NEO1: variants seen among roughly 807,000 people sequenced by gnomAD.
The protein encoded by NEO1 is neogenin 1, also known as neogenin.
In NEO1, 63 loss-of-function variants were observed where a neutral mutation model predicts 159.7. The observed-to-expected ratio is 0.39, with a 90% CI of 0.32 to 0.49. The LOEUF (loss-of-function observed/expected upper bound fraction) is 0.49, where lower values mean the gene tolerates loss of function less well. NEO1 is among the 20% of genes least tolerant of loss of function. NEO1 has a pLI of 0.85. For missense variants in NEO1, 1,615 were observed against 1,831.0 expected (o/e 0.88, Z 2.15); for synonymous variants, 633 against 662.0 (o/e 0.96, Z 0.67).
At chr15:73,073,513 A>G (rs959148870) in intron 1 of NEO1, among the ~76,000 whole-genome samples, 8 of 152,104 alleles carry the variant, frequency 5.3e-5, no homozygotes, top group Admixed American at 2.0e-4. Context: ...TGAGAGGGAT[A>G]GTTTAAGTAT....
chr15:73,243,607 C>T (rs890344911), intron 8 of NEO1, among the ~76,000 whole-genome samples: 3 of 151,968 alleles, frequency 2.0e-5, no homozygotes, highest in Admixed American at 2.0e-4. Flanking sequence ...TCACACAGAC[C>T]CCAAGACAGA....
chr15:73,126,522 C>T lies in NEO1; in HGVS notation c.830C>T (p.Thr277Ile), dbSNP rs760012395. 7 of 1,613,778 alleles carry T rather than the reference C, an allele frequency of 4.3e-6. No individual in the cohort carries two copies. The East Asian group carries it at 6.7e-5, about 15-fold the overall frequency. The stretch of plus-strand genomic sequence containing the variant: ...CCATGTGTTGCTTCAGGACTTCCTA[C>T]TCCAACCATTAAATGGATGAAAAAT... The part of the protein sequence containing the change: ...VLPCVASGLP[T>I]PTIKWMKNEE... Residue 277 changes from threonine (T) to isoleucine (I), a missense_variant, in exon 4 of 29, where the codon ACT (threonine) becomes ATT (isoleucine). Thr to Ile is a moderately conservative substitution (Grantham distance 89). Transcript: ENST00000261908.
chr15:73,203,201 G>T (rs1186147263), intron 7 of NEO1, among the ~76,000 whole-genome samples: 1 of 152,170 alleles, frequency 6.6e-6, no homozygotes, highest in South Asian at 2.1e-4. Flanking sequence ...CACAGTGGCT[G>T]TACCATTTTA....
intron 1 of NEO1, among the ~76,000 whole-genome samples, chr15:73,058,228 T>C (rs2067810516): frequency 3.3e-5 from 5 of 152,216 alleles, no homozygotes; most frequent in Admixed American, 3.3e-4. Context: ...ACTCCCTGAC[T>C]TCCAGGCATT....
Position 73,270,432 on chromosome 15 carries a change from C to A in NEO1, c.2835C>A (p.Ala945=), listed in dbSNP as rs1359245205. The A allele has an allele frequency of 1.9e-6, 3 of 1,613,378 alleles. No homozygotes were observed. The Admixed American group carries it at 5.0e-5, about 27-fold the overall frequency. ...GRRSSTWSMT[A]HGTTFELVPT... ...GATCAAGTACATGGAGTATGACAGCCCATGGGACCACCTTTGAATTAGGTA... is the reference window on the plus strand; with the variant it reads ...GATCAAGTACATGGAGTATGACAGCACATGGGACCACCTTTGAATTAGGTA... The change falls in exon 18 of 29, where the codon GCC becomes GCA. Residue 945 remains alanine, a synonymous_variant. Transcript: ENST00000261908.
At chr15:73,250,842 C>T (rs1055406247) in intron 11 of NEO1, among the ~76,000 whole-genome samples, 2 of 152,064 alleles carry the variant, frequency 1.3e-5, no homozygotes, top group African/African-American at 4.8e-5. Context: ...GGTATAATTA[C>T]TTAATATTAG....
At chr15:73,206,839 G>GTA (rs1361028514) in intron 7 of NEO1, among the ~76,000 whole-genome samples, 6 of 7,154 alleles carry the variant, frequency 8.4e-4, no homozygotes, top group Non-Finnish European at 4.4e-3. Context: ...GTGTGTATGT[G>GTA]TGTGTGTGCG....
intron 7 of NEO1, among the ~76,000 whole-genome samples, chr15:73,185,779 A>G (rs188302923): frequency 4.4e-4 from 67 of 152,318 alleles, no homozygotes; most frequent in African/African-American, 1.1e-3. Context: ...CATCTATACA[A>G]TGGAACGTCA....
At chr15:73,087,643 C>T (rs2069439679) in intron 1 of NEO1, among the ~76,000 whole-genome samples, 1 of 151,988 alleles carries the variant, frequency 6.6e-6, no homozygotes, top group Non-Finnish European at 1.5e-5. Flanking sequence ...GATAAATTTA[C>T]TTTCATAATC....
At chr15:73,170,845 C>T (rs1015383588) in intron 5 of NEO1, among the ~76,000 whole-genome samples, 2 of 152,140 alleles carry the variant, frequency 1.3e-5, no homozygotes, top group East Asian at 1.9e-4. Context: ...GGATGTTTCT[C>T]TTTACAGAAT....
chr15:73,066,076 G>A (rs1191579606), intron 1 of NEO1, among the ~76,000 whole-genome samples: 2 of 144,912 alleles, frequency 1.4e-5, no homozygotes, highest in South Asian at 2.1e-4. Flanking sequence ...CTGTCACCCA[G>A]GCTGGAGTGC....
intron 8 of NEO1, 77 bp downstream of exon 8, chr15:73,236,583 G>A: frequency 1.5e-6 from 2 of 1,320,448 alleles, no homozygotes; most frequent in Admixed American, 3.6e-5. Flanking sequence ...CTGGCTCTTG[G>A]TATCTGTACC....
At chr15:73,071,512 G>C (rs909833004) in intron 1 of NEO1, among the ~76,000 whole-genome samples, 2 of 151,902 alleles carry the variant, frequency 1.3e-5, no homozygotes, top group Admixed American at 1.3e-4. Flanking sequence ...TATTCACTTA[G>C]ATGTTTTTTG....
chr15:73,301,197 C>T, intron 27 of NEO1, 124 bp from the exon 28 acceptor site: 2 of 1,235,570 alleles, frequency 1.6e-6, no homozygotes, highest in Admixed American at 4.6e-5. Context: ...CTTTTCAGAG[C>T]AGTATCCCTG....
chr15:73,119,605 C>G (rs1006279281), intron 2 of NEO1, among the ~76,000 whole-genome samples: 8 of 152,174 alleles, frequency 5.3e-5, no homozygotes, highest in African/African-American at 1.9e-4. Context: ...TCCCACTCTC[C>G]TTTTTCTCCT....
intron 7 of NEO1, among the ~76,000 whole-genome samples, chr15:73,179,048 C>CA (rs1210872123): frequency 2.0e-5 from 3 of 151,858 alleles, no homozygotes; most frequent in Admixed American, 1.3e-4. Context: ...TGATTACCAC[C>CA]AAAAAACCAA....
intron 2 of NEO1, among the ~76,000 whole-genome samples, chr15:73,117,172 C>T (rs1402016814): frequency 6.6e-5 from 10 of 152,250 alleles, no homozygotes; most frequent in Non-Finnish European, 7.4e-5. Flanking sequence ...ATCACTTTGA[C>T]GGCCAACTTC....
At chr15:73,142,468 A>G (rs2032485488) in intron 5 of NEO1, among the ~76,000 whole-genome samples, 1 of 152,164 alleles carries the variant, frequency 6.6e-6, no homozygotes, top group Non-Finnish European at 1.5e-5. Context: ...AGATTACAAA[A>G]TTTCTGAAAG....
chr15:73,284,318 CTT>C lies in NEO1; in HGVS notation c.3410+1208_3410+1209del, dbSNP rs2041853772. ...ATGTTTATGTGATTATCCATGCAGA[CTT>C]GATCTGCCCAAGGCAAGAATGCATG... is the stretch of plus-strand genomic sequence containing the variant. On this transcript the variant is annotated intron_variant, in intron 23 of 28. Transcript: ENST00000261908. Among the ~76,000 whole-genome samples the C allele has an allele frequency of 5.3e-5, 8 of 152,148 alleles. No individual in the cohort carries two copies. In the South Asian group the frequency reaches 1.7e-3, roughly 31 times the overall value.
Sources: gnomAD v4.1 joint callset for allele counts (sites outside exome capture counted in the v4.1 genomes callset) on GRCh38, gnomAD v4.1.1 for gene constraint, MANE v1.5 for transcripts, NCBI Gene and HGNC (gene_info 2026-07-23, HGNC 2026-07-21) for gene names.